TESC: variants seen among roughly 807,000 people sequenced by gnomAD.
The protein encoded by TESC is tescalcin.
In TESC, 19 loss-of-function variants were observed where a neutral mutation model predicts 31.0. The observed-to-expected ratio is 0.61, with a 90% CI of 0.43 to 0.90. TESC has a LOEUF of 0.90. Among genes scored for constraint, TESC ranks in the 40% least tolerant of loss-of-function variants. The pLI is 0.00. For synonymous variants in TESC, 109 were observed against 114.8 expected (o/e 0.95, Z 0.32); for missense variants, 248 against 303.8 (o/e 0.82, Z 1.36).
intron 6 of TESC, among the ~76,000 whole-genome samples, chr12:117,043,217 A>G (rs1338733536): frequency 2.6e-5 from 4 of 152,120 alleles, no homozygotes; most frequent in Non-Finnish European, 5.9e-5. Context: ...GCATACATCA[A>G]AAATAAAAGA....
intron 2 of TESC, among the ~76,000 whole-genome samples, chr12:117,074,401 T>C (rs1181537020): frequency 6.6e-6 from 1 of 151,990 alleles, no homozygotes; most frequent in African/African-American, 2.4e-5. Context: ...AACAAATAAT[T>C]CAACCGGAAT....
intron 3 of TESC, among the ~76,000 whole-genome samples, chr12:117,055,350 CCTGG>C (rs1465072109): frequency 1.3e-5 from 2 of 152,126 alleles, no homozygotes; most frequent in African/African-American, 4.8e-5. Context: ...ACCATGTTGA[CCTGG>C]CTGGTCTCAA....
At chr12:117,084,347 G>A (rs565074590) in intron 1 of TESC, among the ~76,000 whole-genome samples, 3 of 152,276 alleles carry the variant, frequency 2.0e-5, no homozygotes, top group Non-Finnish European at 2.9e-5. Context: ...GAAGGGGCCC[G>A]TGCAGGCATG....
At chr12:117,070,975 T>TA (rs10716763) in intron 2 of TESC, among the ~76,000 whole-genome samples, 3,412 of 151,348 alleles carry the variant, frequency 0.023, 132 homozygotes, top group African/African-American at 0.078. Context: ...TGTCAAAAAA[T>TA]AAAAAAAAAG....
chr12:117,069,350 C>CT (rs1313153290), intron 2 of TESC, among the ~76,000 whole-genome samples: 2 of 152,270 alleles, frequency 1.3e-5, no homozygotes, highest in East Asian at 3.9e-4. Flanking sequence ...AGCGATTCTC[C>CT]TGCTCAGCCT....
intron 3 of TESC, among the ~76,000 whole-genome samples, chr12:117,055,831 C>T (rs1480448741): frequency 6.6e-6 from 1 of 152,186 alleles, no homozygotes; most frequent in Non-Finnish European, 1.5e-5. Context: ...GGCTTTGAGA[C>T]CCCCAGCTAA....
chr12:117,053,465 C>T (rs1303651914), intron 3 of TESC, among the ~76,000 whole-genome samples: 4 of 152,176 alleles, frequency 2.6e-5, no homozygotes, highest in South Asian at 2.1e-4. Flanking sequence ...CAGACAGACC[C>T]GAGTTGGAAT....
At chr12:117,096,004 T>C (rs1297496807) in intron 1 of TESC, among the ~76,000 whole-genome samples, 1 of 152,184 alleles carries the variant, frequency 6.6e-6, no homozygotes, top group Non-Finnish European at 1.5e-5. Context: ...TAAGCCTCAG[T>C]TTCCTCACCT....
chr12:117,073,168 C>G (rs568581991), intron 2 of TESC, among the ~76,000 whole-genome samples: 2 of 152,178 alleles, frequency 1.3e-5, no homozygotes, highest in Non-Finnish European at 2.9e-5. Flanking sequence ...TGAAACCACC[C>G]GCCCTCCATC....
rs532443340 is a variant in TESC, at chr12:117,096,792, G to A, written c.58+2433C>T. ...CACAGCCTGAGCCCTGACGACAGCT[G>A]TGTCCTCATCTCATGCATTCTTATT... On this transcript the variant is annotated intron_variant, in intron 1 of 7. Transcript: ENST00000335209. Among the ~76,000 whole-genome samples, 21 of 152,274 alleles carry A rather than the reference G, an allele frequency of 1.4e-4. 1 individual carries two copies. The East Asian group carries it at 3.9e-3, about 28-fold the overall frequency.
At chr12:117,051,445 A>C (rs182777427) in intron 3 of TESC, among the ~76,000 whole-genome samples, 1 of 152,226 alleles carries the variant, frequency 6.6e-6, no homozygotes, top group Non-Finnish European at 1.5e-5. Flanking sequence ...AGGAAGCCCC[A>C]TCTTTATGTG....
At chr12:117,081,406 T>C (rs1197782127) in intron 1 of TESC, among the ~76,000 whole-genome samples, 1 of 152,210 alleles carries the variant, frequency 6.6e-6, no homozygotes, top group East Asian at 1.9e-4. Flanking sequence ...CGAGAAAATT[T>C]AGAATTATAT....
In TESC at chr12:117,047,373, G is replaced by A. The variant is rs555129855; in HGVS notation, c.350-535C>T. Reference sequence around the variant, plus strand: ...GGCCTCTCCATGTTGTTCCCAGCACGGCCTTGGGAGCTGGAGCTCTCCCAA... The same window carrying A: ...GGCCTCTCCATGTTGTTCCCAGCACAGCCTTGGGAGCTGGAGCTCTCCCAA... On this transcript the variant is annotated intron_variant, in intron 4 of 7. Transcript: ENST00000335209. Among the ~76,000 whole-genome samples, 27 of 152,138 alleles carry A rather than the reference G, an allele frequency of 1.8e-4. 1 individual carries two copies. In the South Asian group the frequency reaches 5.0e-3, roughly 28 times the overall value.
At chr12:117,080,422 C>T (rs752625168) in intron 1 of TESC, among the ~76,000 whole-genome samples, 18 of 152,084 alleles carry the variant, frequency 1.2e-4, no homozygotes, top group Non-Finnish European at 2.1e-4. Context: ...GAGCCCAGAT[C>T]GCACCACTGC....
intron 6 of TESC, among the ~76,000 whole-genome samples, chr12:117,046,145 G>A (rs1197461469): frequency 6.6e-6 from 1 of 152,162 alleles, no homozygotes; most frequent in Non-Finnish European, 1.5e-5. Context: ...AGGGCTCCCT[G>A]CTGACCCCTG....
intron 2 of TESC, among the ~76,000 whole-genome samples, chr12:117,062,972 G>T (rs1344922782): frequency 6.6e-6 from 1 of 152,194 alleles, no homozygotes; most frequent in Non-Finnish European, 1.5e-5. Context: ...TTGCCCAGGA[G>T]GGCTCCAGGG....
chr12:117,043,205 T>C (rs541440538), intron 6 of TESC, among the ~76,000 whole-genome samples: 2 of 152,148 alleles, frequency 1.3e-5, no homozygotes, highest in South Asian at 4.2e-4. Flanking sequence ...CGATTATGTT[T>C]TGCATACATC....
intron 6 of TESC, among the ~76,000 whole-genome samples, chr12:117,044,845 C>T (rs1954533672): frequency 6.6e-6 from 1 of 151,826 alleles, no homozygotes; most frequent in Non-Finnish European, 1.5e-5. Context: ...TGCAGTGAGC[C>T]GAGATGGTGC....
chr12:117,080,916 C>T (rs1955138933), intron 1 of TESC, among the ~76,000 whole-genome samples: 1 of 152,214 alleles, frequency 6.6e-6, no homozygotes, highest in African/African-American at 2.4e-5. Flanking sequence ...TTCCAGTTTC[C>T]TTGCTCCTCA....
Sources: gnomAD v4.1 joint callset for allele counts (sites outside exome capture counted in the v4.1 genomes callset) on GRCh38, gnomAD v4.1.1 for gene constraint, MANE v1.5 for transcripts, NCBI Gene and HGNC (gene_info 2026-07-23, HGNC 2026-07-21) for gene names.